Variants in DYNC2H1 observed in about 807,000 individuals in gnomAD.
DYNC2H1 encodes the protein cytoplasmic dynein 2 heavy chain 1.
A neutral mutation model predicts 570.0 loss-of-function variants in DYNC2H1; 410 were observed. The ratio of observed to expected loss-of-function variants is 0.72; its 90% CI spans 0.66 to 0.78. The LOEUF (loss-of-function observed/expected upper bound fraction) is 0.78, where lower values mean the gene tolerates loss of function less well. Among genes scored for constraint, DYNC2H1 ranks in the 30% least tolerant of loss-of-function variants. The pLI is 0.00. For synonymous variants in DYNC2H1, 1,688 were observed against 1,677.6 expected, an observed-to-expected ratio of 1.01 and a Z score of -0.15; for missense variants, 4,865 against 5,046.4, an observed-to-expected ratio of 0.96 and a Z score of 1.09.
chr11:103,259,833 C>A, intron 69 of DYNC2H1, 55 bp from the exon 70 acceptor site: 1 of 1,191,722 alleles, frequency 8.4e-7, no homozygotes, highest in Non-Finnish European at 1.2e-6. Flanking sequence ...AATTTATAGG[C>A]GTACTTTTTA....
rs1864576332 is a variant in DYNC2H1, at chr11:103,245,386, A to G, written c.10042+12A>G. On this transcript the variant is annotated intron_variant, in intron 65 of 88. Transcript: ENST00000375735. The surrounding 1 kb of genome is among the most constrained non-coding windows in gnomAD (Gnocchi z 4.5). ...TCTGGTTGCTCAAGGTAAATAATTG[A>G]CACTTTCCAGAGTGTAAATATTTTT... 3 of 1,572,092 alleles carry G rather than the reference A, an allele frequency of 1.9e-6. No individual in the cohort carries two copies. In the South Asian group the frequency reaches 3.6e-5, roughly 19 times the overall value.
At chr11:103,329,105 A>G (rs1453911006) in intron 82 of DYNC2H1, among the ~76,000 whole-genome samples, 2 of 152,108 alleles carry the variant, frequency 1.3e-5, no homozygotes, top group Non-Finnish European at 2.9e-5. Context: ...TGACAGAGGA[A>G]GCTGTGAGAA....
intron 54 of DYNC2H1, 28 bp from the exon 55 acceptor site, chr11:103,215,693 A>G: frequency 6.5e-7 from 1 of 1,536,224 alleles, no homozygotes; most frequent in Non-Finnish European, 8.8e-7. Flanking sequence ...TTTTTAAAAT[A>G]TTGCCGATCA....
chr11:103,123,824 GC>G (rs1349851510), intron 11 of DYNC2H1, among the ~76,000 whole-genome samples: 1 of 77,732 alleles, frequency 1.3e-5, no homozygotes, highest in Non-Finnish European at 3.2e-5. Flanking sequence ...CCCTCCTCCT[GC>G]CCTTTTTTTT....
chr11:103,457,641 A>G (rs1389328392), intron 87 of DYNC2H1, among the ~76,000 whole-genome samples: 2 of 152,162 alleles, frequency 1.3e-5, no homozygotes, highest in Non-Finnish European at 2.9e-5. Context: ...ACATAAACAC[A>G]TTGTACAGAT....
At chr11:103,202,293 G>GTTT (rs1318165052) in intron 50 of DYNC2H1, among the ~76,000 whole-genome samples, 11,096 of 46,642 alleles carry the variant, frequency 0.24, 582 homozygotes, top group Non-Finnish European at 0.26. Flanking sequence ...CAGAAACACA[G>GTTT]ATTTTTTTTT....
At chr11:103,419,067 T>G (rs1943385708) in intron 84 of DYNC2H1, among the ~76,000 whole-genome samples, 1 of 152,278 alleles carries the variant, frequency 6.6e-6, no homozygotes, top group South Asian at 2.1e-4. Flanking sequence ...TCCATGGCAC[T>G]TCACAAGGTA....
chr11:103,179,866 G>A lies in DYNC2H1; in HGVS notation c.6347+633G>A, dbSNP rs117158436. Among the ~76,000 whole-genome samples the A allele has an allele frequency of 4.4e-3, 673 of 151,690 alleles. 5 individuals carry two copies. Among genetic ancestry groups the A allele is most frequent in the Non-Finnish European group, 7.7e-3 (522 of 67,676 alleles). On this transcript the variant is annotated intron_variant, in intron 39 of 88. Coordinates refer to ENST00000375735, the MANE Select transcript of DYNC2H1 (RefSeq NM_001377.3). ...GCACCAATTTTATTTTTGAAAATCA[G>A]TAATATTTTGGCATAAGTAAGAAAC...
At chr11:103,433,830 C>CCTA (rs1439927914) in intron 84 of DYNC2H1, among the ~76,000 whole-genome samples, 1 of 152,036 alleles carries the variant, frequency 6.6e-6, no homozygotes, top group East Asian at 1.9e-4. Flanking sequence ...CATCTAAAGA[C>CCTA]CAGTGAACTA....
At chr11:103,273,110 C>A (rs1343040322) in intron 70 of DYNC2H1, among the ~76,000 whole-genome samples, 1 of 151,322 alleles carries the variant, frequency 6.6e-6, no homozygotes, top group Non-Finnish European at 1.5e-5. Flanking sequence ...TTAATTTATT[C>A]ATTTTTTTCT....
intron 2 of DYNC2H1, 94 bp from the exon 3 acceptor site, chr11:103,114,009 T>TAAAA: frequency 6.9e-7 from 1 of 1,451,474 alleles, no homozygotes; most frequent in East Asian, 2.4e-5. Flanking sequence ...TGGCAGGCTT[T>TAAAA]AAGAAAAATG....
intron 32 of DYNC2H1, 97 bp downstream of exon 32, chr11:103,169,057 AT>A (rs1861459919): frequency 9.2e-7 from 1 of 1,086,252 alleles, no homozygotes; most frequent in South Asian, 1.8e-5. Flanking sequence ...TTAAGTAGTA[AT>A]TTTTCCATAA....
At position 103,241,555 on chromosome 11, in the gene DYNC2H1, C is replaced by A; in HGVS notation, c.9820-2138C>A. 1 of 1,578,200 alleles carries A rather than the reference C, an allele frequency of 6.3e-7. No homozygotes were observed. Among genetic ancestry groups the A allele is most frequent in the Non-Finnish European group, 8.7e-7 (1 of 1,153,784 alleles). ...ATTGGTTTGAAATCATGGGTAAGAA[C>A]TTTTTAAAAATTTAAAATAATTACT... On this transcript the variant is annotated intron_variant, in intron 63 of 88. Transcript: ENST00000375735. The surrounding 1 kb of genome is among the most constrained non-coding windows in gnomAD (Gnocchi z 5.1).
In DYNC2H1 at chr11:103,114,178, G is replaced by T. The variant is rs775672822; in HGVS notation, c.442G>T (p.Val148Phe). The T allele has an allele frequency of 6.9e-6, 11 of 1,604,986 alleles. No homozygotes were observed. In the African/African-American group the frequency reaches 1.3e-4, roughly 19 times the overall value. The change falls in exon 3 of 89, where the codon GTT becomes TTT. Residue 148 changes from valine (V) to phenylalanine (F), a missense_variant. Val to Phe is a conservative substitution (Grantham distance 50, BLOSUM62 -1). Transcript: ENST00000375735. ...TGAACTAGAAGCTGGGTTGGGTATA[G>T]TTCTACGAAGATCAGACACTAACTT... Reference protein sequence around the residue: ...LSELEAGLGIVLRRSDTNLTK... With the variant: ...LSELEAGLGIFLRRSDTNLTK...
chr11:103,253,012 A>G (rs533123143), intron 65 of DYNC2H1, among the ~76,000 whole-genome samples: 3 of 152,338 alleles, frequency 2.0e-5, no homozygotes, highest in Non-Finnish European at 4.4e-5. Flanking sequence ...AATATGAAAC[A>G]TATTAATGTT....
chr11:103,395,210 G>A lies in DYNC2H1; in HGVS notation c.12157-4453G>A, dbSNP rs923861733. On this transcript the variant is annotated intron_variant, in intron 83 of 88. Coordinates refer to ENST00000375735, the MANE Select transcript of DYNC2H1 (RefSeq NM_001377.3). This position sits in a 1 kb window ranked among gnomAD's most constrained non-coding sequence, Gnocchi z 4.3. ...GTAATTGGAAAACTCAGCTCAAACTGACTTATGTGAAAAATGGAAATGTAT... is the reference window on the plus strand; with the variant it reads ...GTAATTGGAAAACTCAGCTCAAACTAACTTATGTGAAAAATGGAAATGTAT... Among the ~76,000 whole-genome samples, 1 of 152,034 alleles carries A rather than the reference G, an allele frequency of 6.6e-6. No individual in the cohort carries two copies. Among genetic ancestry groups the A allele is most frequent in the African/African-American group, 2.4e-5 (1 of 41,390 alleles).
chr11:103,243,911 G>A lies in DYNC2H1; in HGVS notation c.9918+120G>A, dbSNP rs916168142. The stretch of plus-strand genomic sequence containing the variant: ...TGGGTCCTACTGTATGGGACCTTGG[G>A]CGAGAGATATAACTCTTAGCTTCAG... On this transcript the variant is annotated intron_variant, in intron 64 of 88. Transcript: ENST00000375735. This position sits in a 1 kb window ranked among gnomAD's most constrained non-coding sequence, Gnocchi z 4.8. 3.4e-6 allele frequency: 2 copies of A among 592,924 alleles called. No homozygotes were observed. The highest frequency in any genetic ancestry group is 5.5e-6 in the Non-Finnish European group (2 of 364,138). The allele number at this position is 592,924 out of a possible 1,614,324, so 36.7% of individuals were successfully genotyped here. A position where few individuals can be genotyped will look rare whatever the true frequency, so the allele number is the denominator to read the frequency against.
At chr11:103,332,999 A>G (rs1938902256) in intron 82 of DYNC2H1, among the ~76,000 whole-genome samples, 1 of 117,528 alleles carries the variant, frequency 8.5e-6, no homozygotes, top group South Asian at 2.9e-4. Context: ...CAAGACTCCA[A>G]CTCAAAAAAA....
intron 30 of DYNC2H1, among the ~76,000 whole-genome samples, chr11:103,165,073 A>G (rs922618556): frequency 6.6e-6 from 1 of 152,184 alleles, no homozygotes; most frequent in Admixed American, 6.5e-5. Flanking sequence ...TTTGCTTAGA[A>G]ATGAGTTACT....
Sources: allele counts gnomAD v4.1 joint callset (sites outside exome capture counted in the v4.1 genomes callset), GRCh38; gene constraint gnomAD v4.1.1; non-coding constraint Gnocchi (gnomAD v3.1); transcripts MANE v1.5; gene names NCBI Gene and HGNC (gene_info 2026-07-23, HGNC 2026-07-21).